The following ANKS1B variants were observed in gnomAD, a reference collection of about 807,000 sequenced individuals.
ANKS1B encodes ankyrin repeat and sterile alpha motif domain-containing protein 1B.
A neutral mutation model predicts 148.3 loss-of-function variants in ANKS1B; 36 were observed. The observed-to-expected ratio is 0.24, with a 90% CI of 0.19 to 0.32. The LOEUF (loss-of-function observed/expected upper bound fraction) is 0.32. ANKS1B is among the 10% of genes least tolerant of loss of function. ANKS1B has a pLI of 1.00. For synonymous variants in ANKS1B, 542 were observed against 560.8 expected (o/e 0.97, Z 0.47); for missense variants, 1,157 against 1,542.6 (o/e 0.75, Z 4.19).
At chr12:98,858,513 T>C (rs575048483) in intron 17 of ANKS1B, among the ~76,000 whole-genome samples, 9 of 152,264 alleles carry the variant, frequency 5.9e-5, no homozygotes, top group African/African-American at 2.2e-4. Context: ...TGGCTGTTTG[T>C]ATTTTTTGTA....
intron 14 of ANKS1B, among the ~76,000 whole-genome samples, chr12:99,180,633 T>TC (rs1375467209): frequency 6.6e-6 from 1 of 151,572 alleles, no homozygotes; most frequent in African/African-American, 2.4e-5. Flanking sequence ...AGGGTTTTTT[T>TC]TTTTTTTTTT....
intron 9 of ANKS1B, among the ~76,000 whole-genome samples, chr12:99,560,245 C>A (rs930206195): frequency 2.0e-5 from 3 of 152,146 alleles, no homozygotes; most frequent in Non-Finnish European, 2.9e-5. Context: ...ATATTAATTT[C>A]TTATAATCTC....
chr12:99,930,726 T>C (rs377443079), intron 1 of ANKS1B, among the ~76,000 whole-genome samples: 2 of 152,162 alleles, frequency 1.3e-5, no homozygotes, highest in African/African-American at 4.8e-5. Context: ...GAAATAGGAA[T>C]ACTTTTACAC....
chr12:99,160,806 C>T (rs959220796), intron 14 of ANKS1B, among the ~76,000 whole-genome samples: 4 of 152,158 alleles, frequency 2.6e-5, no homozygotes, highest in African/African-American at 7.2e-5. Flanking sequence ...GTCCTTTCCT[C>T]ATTGCTTATT....
rs187446785 is a variant in ANKS1B at position 99,635,479 on chromosome 12, C to T, written c.1272+19588G>A. Among the ~76,000 whole-genome samples the T allele has an allele frequency of 1.4e-3, 211 of 152,140 alleles. 3 individuals are homozygous for T. Among genetic ancestry groups the T allele is most frequent in the Non-Finnish European group, 3.2e-4 (22 of 68,000 alleles). On this transcript the variant is annotated intron_variant, in intron 9 of 26. Transcript: ENST00000683438. The stretch of plus-strand genomic sequence containing the variant: ...ATAGATGAATCTTGAGAACATTATG[C>T]TAAGTGAAATAAGCCAGTCACAAAA...
chr12:99,274,759 T>C (rs1345762116), intron 12 of ANKS1B, among the ~76,000 whole-genome samples: 1 of 152,248 alleles, frequency 6.6e-6, no homozygotes, highest in African/African-American at 2.4e-5. Context: ...TAGTCCTCTA[T>C]TGTTACATAA....
At chr12:98,873,349 GT>G (rs2099677327) in intron 17 of ANKS1B, among the ~76,000 whole-genome samples, 1 of 152,162 alleles carries the variant, frequency 6.6e-6, no homozygotes, top group Admixed American at 6.5e-5. Flanking sequence ...CTCGTTAAGT[GT>G]TTGTTGAATG....
At chr12:99,670,244 A>C (rs1043798268) in intron 8 of ANKS1B, among the ~76,000 whole-genome samples, 2 of 152,114 alleles carry the variant, frequency 1.3e-5, no homozygotes, top group African/African-American at 4.8e-5. Context: ...CACACTGTTA[A>C]CTGCACATTT....
intron 12 of ANKS1B, among the ~76,000 whole-genome samples, chr12:99,347,941 C>T (rs2090941047): frequency 6.6e-6 from 1 of 151,694 alleles, no homozygotes; most frequent in Admixed American, 6.6e-5. Flanking sequence ...AAGCCATAGA[C>T]AAAGAACCAA....
chr12:99,984,389 G>T lies in ANKS1B; in HGVS notation c.-152C>A. On this transcript the variant is annotated 5_prime_UTR_variant, in exon 1 of 27. Transcript: ENST00000683438. ...AGAGCTCCCTGCAGCCCCAGGCAGG[G>T]AGCACGACTCTCTCCTCCTCTTCGG... is the stretch of plus-strand genomic sequence containing the variant. 15 of 378,288 alleles carry T rather than the reference G, an allele frequency of 4.0e-5. No individual in the cohort carries two copies. Among genetic ancestry groups the T allele is most frequent in the South Asian group, 7.6e-5 (3 of 39,464 alleles). The allele number at this position is 378,288 out of a possible 1,614,324, so 23.4% of individuals were successfully genotyped here.
chr12:99,941,573 C>T (rs1249428223), intron 1 of ANKS1B, among the ~76,000 whole-genome samples: 4 of 152,108 alleles, frequency 2.6e-5, no homozygotes, highest in African/African-American at 9.7e-5. Flanking sequence ...ATCTACCAGA[C>T]ACTGCCAGGA....
chr12:99,717,840 C>T (rs924801290), intron 8 of ANKS1B, among the ~76,000 whole-genome samples: 16 of 151,798 alleles, frequency 1.1e-4, no homozygotes, highest in East Asian at 1.9e-4. Context: ...TGGGTAGTGA[C>T]GGCCAGGCTT....
chr12:99,190,527 G>C lies in ANKS1B; in HGVS notation c.2420-36132C>G, dbSNP rs577221202. Among the ~76,000 whole-genome samples, 5 of 152,226 alleles carry C rather than the reference G, an allele frequency of 3.3e-5. No individual in the cohort carries two copies. In the East Asian group the frequency reaches 9.7e-4, roughly 29 times the overall value. On this transcript the variant is annotated intron_variant, in intron 14 of 26. Transcript: ENST00000683438. Reference sequence around the variant, plus strand: ...GCAATGGAACAGAACAGAGTCCTCAGAAATCATACCACACATCTACAACCA... The same window carrying C: ...GCAATGGAACAGAACAGAGTCCTCACAAATCATACCACACATCTACAACCA...
chr12:98,772,700 G>A (rs1340030725), intron 25 of ANKS1B, among the ~76,000 whole-genome samples: 3 of 152,100 alleles, frequency 2.0e-5, no homozygotes, highest in Non-Finnish European at 4.4e-5. Context: ...GGGAATTATG[G>A]GAGCTACAAT....
intron 17 of ANKS1B, among the ~76,000 whole-genome samples, chr12:99,039,416 C>T (rs1598833652): frequency 6.6e-6 from 1 of 152,196 alleles, no homozygotes. Flanking sequence ...TAAGCACCTG[C>T]TTTGTAAAGG....
chr12:99,484,974 T>A (rs1281106272), intron 10 of ANKS1B, among the ~76,000 whole-genome samples: 2 of 151,904 alleles, frequency 1.3e-5, no homozygotes, highest in Non-Finnish European at 2.9e-5. Context: ...TAAAATCCAT[T>A]CTGCCATTCT....
chr12:99,412,074 C>CT (rs375063867), intron 11 of ANKS1B, among the ~76,000 whole-genome samples: 4 of 151,810 alleles, frequency 2.6e-5, no homozygotes, highest in African/African-American at 9.7e-5. Context: ...AAAAACTTTT[C>CT]TTTTTTTTCA....
At chr12:99,543,553 T>C (rs2097146348) in intron 9 of ANKS1B, among the ~76,000 whole-genome samples, 1 of 151,888 alleles carries the variant, frequency 6.6e-6, no homozygotes, top group Non-Finnish European at 1.5e-5. Flanking sequence ...CTCAAAATAG[T>C]CAAAAAGGGT....
chr12:99,560,215 T>A (rs1444569476), intron 9 of ANKS1B, among the ~76,000 whole-genome samples: 1 of 152,176 alleles, frequency 6.6e-6, no homozygotes, highest in African/African-American at 2.4e-5. Context: ...TTCTAGTTGC[T>A]TATTTTCTTT....
Sources: gnomAD v4.1 joint callset for allele counts (sites outside exome capture counted in the v4.1 genomes callset) on GRCh38, gnomAD v4.1.1 for gene constraint, MANE v1.5 for transcripts, NCBI Gene and HGNC (gene_info 2026-07-23, HGNC 2026-07-21) for gene names.